PTPRD: variants seen among roughly 807,000 people sequenced by gnomAD.
PTPRD encodes protein tyrosine phosphatase receptor type D, also known as receptor-type tyrosine-protein phosphatase delta.
PTPRD carries 34 observed loss-of-function variants against 214.5 expected under a neutral mutation model. The observed-to-expected ratio is 0.16, with a 90% CI of 0.12 to 0.21. The LOEUF (loss-of-function observed/expected upper bound fraction) is 0.21, where lower values mean the gene tolerates loss of function less well. PTPRD is among the 10% of genes least tolerant of loss of function. The pLI is 1.00. For missense variants in PTPRD, 2,545 were observed against 2,398.7 expected, an observed-to-expected ratio of 1.06 and a Z score of -1.27; for synonymous variants, 1,128 against 845.7, an observed-to-expected ratio of 1.33 and a Z score of -5.79.
chr9:9,562,088 G>T (rs1421060736), intron 8 of PTPRD, among the ~76,000 whole-genome samples: 2 of 152,082 alleles, frequency 1.3e-5, no homozygotes, highest in African/African-American at 4.8e-5. Flanking sequence ...GTCCAAAATT[G>T]ATCTGATTTT....
intron 3 of PTPRD, among the ~76,000 whole-genome samples, chr9:10,154,327 T>A (rs1296069025): frequency 6.6e-6 from 1 of 152,192 alleles, no homozygotes; most frequent in Admixed American, 6.5e-5. Flanking sequence ...TGTTTTCTAC[T>A]TGTAAATTTG....
At chr9:9,049,587 T>A (rs2154393370) in intron 10 of PTPRD, among the ~76,000 whole-genome samples, 1 of 151,774 alleles carries the variant, frequency 6.6e-6, no homozygotes, top group African/African-American at 2.4e-5. Flanking sequence ...CATTTTTTTT[T>A]AGCAAAACGT....
intron 11 of PTPRD, among the ~76,000 whole-genome samples, chr9:8,996,942 C>T (rs1003240195): frequency 6.6e-6 from 1 of 152,004 alleles, no homozygotes; most frequent in Non-Finnish European, 1.5e-5. Context: ...TTTGTCAATA[C>T]ACAGAATTAC....
At chr9:9,418,762 T>G (rs1283624382) in intron 8 of PTPRD, among the ~76,000 whole-genome samples, 2 of 151,944 alleles carry the variant, frequency 1.3e-5, no homozygotes, top group East Asian at 3.9e-4. Context: ...TCTTGAGCAT[T>G]GAAAGTGAGA....
At chr9:9,678,037 G>C (rs1222975609) in intron 7 of PTPRD, among the ~76,000 whole-genome samples, 1 of 152,072 alleles carries the variant, frequency 6.6e-6, no homozygotes, top group Non-Finnish European at 1.5e-5. Context: ...TCTTCAAGGA[G>C]AACTACAAAT....
intron 11 of PTPRD, among the ~76,000 whole-genome samples, chr9:8,989,354 T>G (rs574017240): frequency 6.6e-6 from 1 of 152,082 alleles, no homozygotes; most frequent in African/African-American, 2.4e-5. Context: ...TTTCTCTTCA[T>G]TCCTCCTTCC....
At chr9:10,525,282 T>C (rs1215396906) in intron 2 of PTPRD, among the ~76,000 whole-genome samples, 1 of 152,068 alleles carries the variant, frequency 6.6e-6, no homozygotes, top group Non-Finnish European at 1.5e-5. Flanking sequence ...TAGAAACATG[T>C]AGATATATTT....
intron 10 of PTPRD, among the ~76,000 whole-genome samples, chr9:9,114,935 A>T (rs2099810881): frequency 6.6e-6 from 1 of 152,140 alleles, no homozygotes; most frequent in Non-Finnish European, 1.5e-5. Flanking sequence ...CTCAAGAATC[A>T]GTGTTGTTCT....
At chr9:10,291,409 G>C (rs1475525269) in intron 3 of PTPRD, among the ~76,000 whole-genome samples, 1 of 152,132 alleles carries the variant, frequency 6.6e-6, no homozygotes, top group Non-Finnish European at 1.5e-5. Context: ...AAACTTTTCA[G>C]AGATGATTAA....
At chr9:9,541,719 G>C (rs893798601) in intron 8 of PTPRD, among the ~76,000 whole-genome samples, 1 of 151,870 alleles carries the variant, frequency 6.6e-6, no homozygotes, top group Non-Finnish European at 1.5e-5. Flanking sequence ...CTGATGGCTA[G>C]GACAGAATAG....
At chr9:9,373,969 T>G (rs2060165633) in intron 9 of PTPRD, among the ~76,000 whole-genome samples, 1 of 152,086 alleles carries the variant, frequency 6.6e-6, no homozygotes, top group Admixed American at 6.6e-5. Context: ...TGTCTTTTAA[T>G]TTGGCTTACG....
chr9:10,555,632 G>C (rs1020668119), intron 2 of PTPRD, among the ~76,000 whole-genome samples: 1 of 152,114 alleles, frequency 6.6e-6, no homozygotes, highest in Non-Finnish European at 1.5e-5. Context: ...CCTTGAAAAT[G>C]TATTCCTTTT....
chr9:9,581,605 A>C (rs919625200), intron 7 of PTPRD, among the ~76,000 whole-genome samples: 3 of 152,154 alleles, frequency 2.0e-5, no homozygotes, highest in African/African-American at 7.2e-5. Context: ...AAGTGATGCA[A>C]TAAAGAAATA....
intron 7 of PTPRD, among the ~76,000 whole-genome samples, chr9:9,657,360 A>C (rs866979314): frequency 2.6e-4 from 39 of 152,232 alleles, no homozygotes; most frequent in Middle Eastern, 3.4e-3. Context: ...GAAGAAAAAA[A>C]CAAACACCAC....
chr9:8,755,514 A>C (rs2093923977), intron 11 of PTPRD, among the ~76,000 whole-genome samples: 1 of 147,476 alleles, frequency 6.8e-6, no homozygotes, highest in African/African-American at 2.6e-5. Flanking sequence ...GGGCAACAAG[A>C]GTGAAACTCT....
At chr9:10,162,696 T>C (rs1270252847) in intron 3 of PTPRD, among the ~76,000 whole-genome samples, 1 of 147,090 alleles carries the variant, frequency 6.8e-6, no homozygotes, top group Non-Finnish European at 1.5e-5. Context: ...TGTGTATATA[T>C]ATACATATAC....
chr9:8,681,139 C>T (rs553893333), intron 12 of PTPRD, among the ~76,000 whole-genome samples: 1 of 152,296 alleles, frequency 6.6e-6, no homozygotes, highest in Non-Finnish European at 1.5e-5. Flanking sequence ...TTCCCAATCA[C>T]GCCTCATGCC....
At chr9:10,330,903 C>T (rs1441787930) in intron 3 of PTPRD, among the ~76,000 whole-genome samples, 1 of 151,828 alleles carries the variant, frequency 6.6e-6, no homozygotes, top group Non-Finnish European at 1.5e-5. Flanking sequence ...ACTTCTCTTG[C>T]AGGTCATCTA....
intron 11 of PTPRD, among the ~76,000 whole-genome samples, chr9:8,881,292 C>G (rs557761879): frequency 6.6e-6 from 1 of 152,180 alleles, no homozygotes; most frequent in Non-Finnish European, 1.5e-5. Flanking sequence ...TTATAAATTC[C>G]CATTAATAAC....
Sources: allele counts gnomAD v4.1 joint callset (sites outside exome capture counted in the v4.1 genomes callset), GRCh38; gene constraint gnomAD v4.1.1; transcripts MANE v1.5; gene names NCBI Gene and HGNC (gene_info 2026-07-23, HGNC 2026-07-21).